PDXP: variants seen among roughly 807,000 people sequenced by gnomAD.
The protein encoded by PDXP is pyridoxal phosphatase.
Under a neutral mutation model 14.4 loss-of-function variants are expected in PDXP, and 15 were observed. The ratio of observed to expected loss-of-function variants is 1.04; its 90% CI spans 0.70 to 1.60. PDXP has a LOEUF of 1.60. PDXP is among the 40% of genes most tolerant of loss of function. The pLI, the probability that PDXP is intolerant of heterozygous loss-of-function variation, is 0.00. For synonymous variants in PDXP, 233 were observed against 205.6 expected (o/e 1.13, Z -1.14); for missense variants, 413 against 427.6 (o/e 0.97, Z 0.30).
At chr22:37,663,443 C>G (rs1920983579) in intron 1 of PDXP, among the ~76,000 whole-genome samples, 1 of 151,964 alleles carries the variant, frequency 6.6e-6, no homozygotes, top group Non-Finnish European at 1.5e-5. Context: ...GGCTCAGGCA[C>G]TCCTCCTGCC....
intron 1 of PDXP, among the ~76,000 whole-genome samples, chr22:37,659,854 G>A (rs142031851): frequency 9.2e-5 from 14 of 152,322 alleles, no homozygotes; most frequent in East Asian, 5.8e-4. Context: ...CAGCATGCCC[G>A]GTGACGGTGA....
chr22:37,660,231 G>A (rs1933175980), intron 1 of PDXP, among the ~76,000 whole-genome samples: 1 of 152,144 alleles, frequency 6.6e-6, no homozygotes. Flanking sequence ...TAAGAGAAGG[G>A]AAGTGAGCTG....
In PDXP at chr22:37,666,080, C is replaced by A; in HGVS notation, c.*209C>A. The A allele has an allele frequency of 1.6e-6, 1 of 615,508 alleles. No individual in the cohort carries two copies. Among genetic ancestry groups the A allele is most frequent in the South Asian group, 2.0e-5 (1 of 49,804 alleles). The allele number at this position is 615,508 out of a possible 1,614,324, so 38.1% of individuals were successfully genotyped here. A position where few individuals can be genotyped will look rare whatever the true frequency, so the allele number is the denominator to read the frequency against. ...CTCTTTGCTGCCCCAGAAGCTGGTC[C>A]CCTATGGATTCATCTTGGCCTGACC... On this transcript the variant is annotated 3_prime_UTR_variant, in exon 2 of 2. Coordinates refer to ENST00000215904, the MANE Select transcript of PDXP (RefSeq NM_020315.5).
At chr22:37,662,956 C>G (rs557178122) in intron 1 of PDXP, among the ~76,000 whole-genome samples, 1 of 149,174 alleles carries the variant, frequency 6.7e-6, no homozygotes, top group East Asian at 2.0e-4. Context: ...CCATTGCACT[C>G]CAGCCTGGGT....
intron 1 of PDXP, chr22:37,665,176 G>C (rs1388575500): frequency 7.1e-6 from 2 of 282,300 alleles, no homozygotes; most frequent in African/African-American, 4.3e-5. Flanking sequence ...TTGTCCAAAG[G>C]TCCACGGCTG....
At chr22:37,664,606 C>T (rs562496421) in intron 1 of PDXP, among the ~76,000 whole-genome samples, 1 of 152,342 alleles carries the variant, frequency 6.6e-6, no homozygotes, top group East Asian at 1.9e-4. Flanking sequence ...TCCAGAAACA[C>T]CCAGCACAGG....
chr22:37,665,057 C>T (rs1277899942), intron 1 of PDXP: 1 of 176,658 alleles, frequency 5.7e-6, no homozygotes, highest in Non-Finnish European at 1.2e-5. Context: ...AAGTGCTGTT[C>T]CATTTACAAA....
intron 1 of PDXP, among the ~76,000 whole-genome samples, chr22:37,660,369 C>T (rs1248536231): frequency 6.6e-6 from 1 of 152,204 alleles, no homozygotes; most frequent in Non-Finnish European, 1.5e-5. Flanking sequence ...CCCCTCCAAC[C>T]CTCCAACCGC....
rs1921094457 is a variant in PDXP at position 37,666,696 on chromosome 22, C to T, written c.*825C>T. ...CTGGGGCTTCTGTGGCCAAGCCCCA[C>T]CCTTTCCTGGTCATGGTACCCGTAC... is the stretch of plus-strand genomic sequence containing the variant. On this transcript the variant is annotated 3_prime_UTR_variant, in exon 2 of 2. Coordinates refer to ENST00000215904, the MANE Select transcript of PDXP (RefSeq NM_020315.5). The T allele has an allele frequency of 6.0e-6, 1 of 167,168 alleles. No homozygotes were observed. The highest frequency in any genetic ancestry group is 2.1e-4 in the South Asian group (1 of 4,830). The allele number at this position is 167,168 out of a possible 1,614,324, so 10.4% of individuals were successfully genotyped here.
intron 1 of PDXP, among the ~76,000 whole-genome samples, chr22:37,663,959 G>C (rs1308952047): frequency 1.6e-5 from 2 of 122,976 alleles, no homozygotes; most frequent in Non-Finnish European, 3.2e-5. Context: ...CCAGAGCCTA[G>C]CTCTGGCGCC....
chr22:37,665,944 G>A lies in PDXP; in HGVS notation c.*73G>A, dbSNP rs535701855. Reference sequence around the variant, plus strand: ...CCCGTAGGTGGAGGCGATGGGTCACGAGCCATGTTAAGCACAACCGGCTCC... The same window carrying A: ...CCCGTAGGTGGAGGCGATGGGTCACAAGCCATGTTAAGCACAACCGGCTCC... On this transcript the variant is annotated 3_prime_UTR_variant, in exon 2 of 2. Transcript: ENST00000215904. 43 of 1,447,526 alleles carry A rather than the reference G, an allele frequency of 3.0e-5. 1 individual carries two copies. The highest frequency in any genetic ancestry group is 1.1e-4 in the Admixed American group (6 of 52,452). 89.7% of individuals were successfully genotyped at this position (1,447,526 alleles called of 1,614,324 possible).
At chr22:37,660,156 C>T (rs1198482215) in intron 1 of PDXP, among the ~76,000 whole-genome samples, 1 of 152,136 alleles carries the variant, frequency 6.6e-6, no homozygotes, top group Non-Finnish European at 1.5e-5. Flanking sequence ...TGAAAAGCCA[C>T]TGTACTTCAG....
rs1314531409 is a variant in PDXP, at chr22:37,659,274, G to T, written c.492G>T (p.Ala164=). 1 of 1,318,772 alleles carries T rather than the reference G, an allele frequency of 7.6e-7. No individual in the cohort carries two copies. The highest frequency in any genetic ancestry group is 2.2e-4 in the Middle Eastern group (1 of 4,604). 81.7% of individuals were successfully genotyped at this position (1,318,772 alleles called of 1,614,324 possible). ...TCGCCAAGCTGAGGGAGGCGTGCGC[G>T]CACCTGCGCGACCCCGAGTGCCTAC... is the stretch of plus-strand genomic sequence containing the variant. ...FSFAKLREAC[A]HLRDPECLLV... is the part of the protein sequence containing the mutation. The change falls in exon 1 of 2, where the codon GCG becomes GCT. Residue 164 remains alanine (A), a synonymous_variant. Transcript: ENST00000215904.
intron 1 of PDXP, among the ~76,000 whole-genome samples, chr22:37,659,670 CTG>C (rs1233663849): frequency 6.6e-6 from 1 of 152,170 alleles, no homozygotes; most frequent in Non-Finnish European, 1.5e-5. Context: ...GATTGTCCCC[CTG>C]TGTGAGGGTT....
rs1375466227 is a variant in PDXP at position 37,659,172 on chromosome 22, C to T, written c.390C>T (p.Ala130=). The stretch of plus-strand genomic sequence containing the variant: ...TGCGCGCCGCGGGGCTGCGCCTGGC[C>T]GGGGACCCGAGCGCGGGGGACGGCG... ...AELRAAGLRL[A]GDPSAGDGAA... Residue 130 remains alanine (A), a synonymous_variant, in exon 1 of 2, where the codon GCC becomes GCT. Coordinates refer to ENST00000215904, the MANE Select transcript of PDXP (RefSeq NM_020315.5). 5.2e-6 allele frequency: 6 copies of T among 1,155,748 alleles called. No individual in the cohort carries two copies. Among genetic ancestry groups the T allele is most frequent in the Non-Finnish European group, 6.4e-6 (6 of 939,866 alleles). The allele number at this position is 1,155,748 out of a possible 1,614,324, so 71.6% of individuals were successfully genotyped here.
intron 1 of PDXP, among the ~76,000 whole-genome samples, chr22:37,661,429 C>T (rs912077092): frequency 2.0e-5 from 3 of 151,680 alleles, no homozygotes; most frequent in Non-Finnish European, 4.4e-5. Context: ...GCAAATATCT[C>T]ACCCCCAACT....
chr22:37,658,768 C>T lies in PDXP; in HGVS notation c.-15C>T, dbSNP rs1041940416. 7.8e-6 allele frequency: 9 copies of T among 1,159,954 alleles called. No homozygotes were observed. The highest frequency in any genetic ancestry group is 8.1e-5 in the East Asian group (2 of 24,646). 71.9% of individuals were successfully genotyped at this position (1,159,954 alleles called of 1,614,324 possible). A position where few individuals can be genotyped will look rare whatever the true frequency, so the allele number is the denominator to read the frequency against. ...GAGAGAGCGCGGCGCGGGAGGCCGG[C>T]GGCCGGCCGGCTGCATGGCGCGCTG... On this transcript the variant is annotated 5_prime_UTR_variant, in exon 1 of 2. Coordinates refer to ENST00000215904, the MANE Select transcript of PDXP (RefSeq NM_020315.5).
rs932715350 is a variant in PDXP, at chr22:37,666,688, A to C, written c.*817A>C. ...GTGATGCTCTGGGGCTTCTGTGGCC[A>C]AGCCCCACCCTTTCCTGGTCATGGT... On this transcript the variant is annotated 3_prime_UTR_variant, in exon 2 of 2. Coordinates refer to ENST00000215904, the MANE Select transcript of PDXP (RefSeq NM_020315.5). The C allele has an allele frequency of 1.2e-5, 2 of 167,126 alleles. No homozygotes were observed. The highest frequency in any genetic ancestry group is 4.8e-5 in the African/African-American group (2 of 41,450). The allele number at this position is 167,126 out of a possible 1,614,324, so 10.4% of individuals were successfully genotyped here.
intron 1 of PDXP, among the ~76,000 whole-genome samples, chr22:37,662,814 C>T (rs1489832959): frequency 6.6e-6 from 1 of 151,390 alleles, no homozygotes; most frequent in Non-Finnish European, 1.5e-5. Context: ...ATGAGGAAAC[C>T]CTGTCTCCAC....
Sources: allele counts gnomAD v4.1 joint callset (sites outside exome capture counted in the v4.1 genomes callset), GRCh38; gene constraint gnomAD v4.1.1; transcripts MANE v1.5; gene names NCBI Gene and HGNC (gene_info 2026-07-23, HGNC 2026-07-21).